The following GRM8 variants were observed in gnomAD, a reference collection of about 807,000 sequenced individuals.
GRM8 encodes the protein glutamate metabotropic receptor 8, also known as metabotropic glutamate receptor 8.
In GRM8, 47 loss-of-function variants were observed where a neutral mutation model predicts 87.2. The ratio of observed to expected loss-of-function variants is 0.54; its 90% CI spans 0.43 to 0.69. GRM8 has a LOEUF of 0.69. GRM8 is among the 30% of genes least tolerant of loss of function. GRM8 has a pLI of 0.00. For synonymous variants in GRM8, 396 were observed against 404.5 expected (o/e 0.98, Z 0.25); for missense variants, 1,019 against 1,139.2 (o/e 0.89, Z 1.52).
rs939342588 is a variant in GRM8, at chr7:126,609,458, A to G, written c.1398T>C (p.Asp466=). The change falls in exon 8 of 11, where the codon GAT becomes GAC. Residue 466 remains aspartate, a synonymous_variant. Transcript: ENST00000339582. The part of the protein sequence containing the change: ...GTPVTFNENG[D]APGRYDIFQY... ...GGAAGATATCATAACGTCCAGGAGC[A>G]TCTCCGTTTTCATTAAAAGTGACAG... The G allele has an allele frequency of 1.6e-5, 25 of 1,611,870 alleles. No homozygotes were observed. The highest frequency in any genetic ancestry group is 2.0e-5 in the Non-Finnish European group (24 of 1,178,046).
intron 7 of GRM8, among the ~76,000 whole-genome samples, chr7:126,656,694 G>C (rs1017000473): frequency 6.6e-5 from 10 of 150,966 alleles, no homozygotes; most frequent in Non-Finnish European, 1.2e-4. Flanking sequence ...AAAAACAAAA[G>C]ACCTACCAAA....
intron 8 of GRM8, among the ~76,000 whole-genome samples, chr7:126,576,687 T>C (rs183586975): frequency 6.3e-4 from 96 of 152,298 alleles, no homozygotes; most frequent in Non-Finnish European, 1.1e-3. Flanking sequence ...GACTCTCATC[T>C]CTTTTTCTCT....
chr7:127,155,366 A>C (rs1318677075), intron 2 of GRM8, among the ~76,000 whole-genome samples: 1 of 152,214 alleles, frequency 6.6e-6, no homozygotes, highest in Non-Finnish European at 1.5e-5. Context: ...TTTTCTTGAA[A>C]TAGGATGCAG....
chr7:127,081,744 C>T (rs565896599), intron 3 of GRM8, among the ~76,000 whole-genome samples: 13 of 152,212 alleles, frequency 8.5e-5, no homozygotes, highest in Admixed American at 2.6e-4. Flanking sequence ...AGCATAGAGA[C>T]GACAATTGAA....
At chr7:127,094,063 C>A (rs1824411438) in intron 3 of GRM8, among the ~76,000 whole-genome samples, 1 of 152,206 alleles carries the variant, frequency 6.6e-6, no homozygotes, top group Non-Finnish European at 1.5e-5. Context: ...TCCTAATTCT[C>A]AGGCCAACTC....
At chr7:127,176,121 G>A (rs1410107245) in intron 2 of GRM8, among the ~76,000 whole-genome samples, 2 of 151,982 alleles carry the variant, frequency 1.3e-5, no homozygotes, top group Non-Finnish European at 2.9e-5. Flanking sequence ...ATTAGAAGCT[G>A]GATATAGACA....
chr7:127,011,589 G>T (rs1042721390), intron 3 of GRM8, among the ~76,000 whole-genome samples: 1 of 152,076 alleles, frequency 6.6e-6, no homozygotes, highest in African/African-American at 2.4e-5. Context: ...TGTGTTCTAA[G>T]GAATAGTTGT....
chr7:126,981,489 A>G (rs994498205), intron 3 of GRM8, among the ~76,000 whole-genome samples: 3 of 152,206 alleles, frequency 2.0e-5, no homozygotes, highest in Non-Finnish European at 4.4e-5. Context: ...ATGGTATCAC[A>G]TAGCGAGGAA....
At chr7:127,167,115 G>A (rs952992941) in intron 2 of GRM8, among the ~76,000 whole-genome samples, 1 of 152,130 alleles carries the variant, frequency 6.6e-6, no homozygotes, top group African/African-American at 2.4e-5. Context: ...GGCTGAAGGT[G>A]GAAAGTGGGG....
intron 2 of GRM8, among the ~76,000 whole-genome samples, chr7:127,153,116 T>C (rs1437017358): frequency 6.6e-6 from 1 of 152,154 alleles, no homozygotes; most frequent in African/African-American, 2.4e-5. Flanking sequence ...TGTGAAATAC[T>C]GTATCTTTAG....
rs1416635419 is a variant in GRM8, at chr7:126,594,518, A to C, written c.1494+14844T>G. Among the ~76,000 whole-genome samples, 5 of 152,086 alleles carry C rather than the reference A, an allele frequency of 3.3e-5. No homozygotes were observed. The East Asian group carries it at 9.6e-4, about 29-fold the overall frequency. ...ATAAATACCATATTATCTCACTCATATATGGAATCTAGAAAGATGCAGAGA... is the reference window on the plus strand; with the variant it reads ...ATAAATACCATATTATCTCACTCATCTATGGAATCTAGAAAGATGCAGAGA... On this transcript the variant is annotated intron_variant, in intron 8 of 10. Coordinates refer to ENST00000339582, the MANE Select transcript of GRM8 (RefSeq NM_000845.3).
intron 7 of GRM8, among the ~76,000 whole-genome samples, chr7:126,753,949 CT>C (rs578223481): frequency 6.6e-6 from 1 of 151,876 alleles, no homozygotes; most frequent in Non-Finnish European, 1.5e-5. Flanking sequence ...TATGCAAAGA[CT>C]TTTCAATCAC....
chr7:127,055,864 G>A (rs1211067383), intron 3 of GRM8, among the ~76,000 whole-genome samples: 2 of 152,008 alleles, frequency 1.3e-5, no homozygotes, highest in Non-Finnish European at 2.9e-5. Flanking sequence ...ATTCTGGGAG[G>A]AAGCTTGACC....
intron 7 of GRM8, among the ~76,000 whole-genome samples, chr7:126,753,415 C>G (rs79988815): frequency 6.6e-6 from 1 of 151,358 alleles, no homozygotes; most frequent in South Asian, 2.1e-4. Context: ...GATAGACACA[C>G]GTATATACGT....
intron 7 of GRM8, among the ~76,000 whole-genome samples, chr7:126,759,450 C>A (rs766806046): frequency 6.6e-6 from 1 of 152,004 alleles, no homozygotes; most frequent in Non-Finnish European, 1.5e-5. Context: ...AAAGAATGAA[C>A]CCCACCTGGT....
At chr7:126,801,181 T>C (rs1243888959) in intron 6 of GRM8, among the ~76,000 whole-genome samples, 1 of 152,180 alleles carries the variant, frequency 6.6e-6, no homozygotes, top group Admixed American at 6.5e-5. Context: ...TAATGTCCTA[T>C]ATACTGCTAG....
intron 3 of GRM8, among the ~76,000 whole-genome samples, chr7:127,049,007 A>G (rs925493889): frequency 6.6e-6 from 1 of 152,156 alleles, no homozygotes; most frequent in African/African-American, 2.4e-5. Flanking sequence ...CTCTAGCCCT[A>G]GGAACTAGAG....
intron 6 of GRM8, among the ~76,000 whole-genome samples, chr7:126,805,519 G>C (rs1792585646): frequency 6.6e-6 from 1 of 152,122 alleles, no homozygotes; most frequent in Non-Finnish European, 1.5e-5. Flanking sequence ...GTTCCACTGA[G>C]ACATGGTCTG....
chr7:126,476,714 G>A (rs577518823), intron 9 of GRM8, among the ~76,000 whole-genome samples: 4 of 152,156 alleles, frequency 2.6e-5, no homozygotes, highest in African/African-American at 9.6e-5. Context: ...ACAACTGTTA[G>A]ATTGGCTATT....
Sources: gnomAD v4.1 joint callset for allele counts (sites outside exome capture counted in the v4.1 genomes callset) on GRCh38, gnomAD v4.1.1 for gene constraint, MANE v1.5 for transcripts, NCBI Gene and HGNC (gene_info 2026-07-23, HGNC 2026-07-21) for gene names.